The following FBXO36 variants were observed in gnomAD, a reference collection of about 807,000 sequenced individuals.
FBXO36 encodes F-box protein 36.
Under a neutral mutation model 17.0 loss-of-function variants are expected in FBXO36, and 18 were observed. The observed-to-expected ratio is 1.06, with a 90% CI of 0.73 to 1.57. The LOEUF (loss-of-function observed/expected upper bound fraction) is 1.57, where lower values mean the gene tolerates loss of function less well. Ranked by LOEUF, FBXO36 falls within the 40% of genes most tolerant of loss-of-function variation. The probability of loss-of-function intolerance (pLI) is 0.00; values close to 1 mark genes in which losing one functional copy is unlikely to be tolerated. For synonymous variants in FBXO36, 83 were observed against 85.3 expected, an observed-to-expected ratio of 0.97 and a Z score of 0.15; for missense variants, 229 against 221.9, an observed-to-expected ratio of 1.03 and a Z score of -0.20.
chr2:229,973,414 A>G (rs2106192318), intron 1 of FBXO36: 1 of 152,284 alleles, frequency 6.6e-6, no homozygotes, highest in Admixed American at 6.5e-5. Flanking sequence ...GGAGTGTTCC[A>G]TATTTTTAAA....
At chr2:229,985,484 A>C (rs1030534888) in intron 2 of FBXO36, among the ~76,000 whole-genome samples, 1 of 151,928 alleles carries the variant, frequency 6.6e-6, no homozygotes, top group African/African-American at 2.4e-5. Context: ...CACCTCTTAC[A>C]ACACTCCTCC....
intron 1 of FBXO36, 51 bp downstream of exon 1, chr2:229,922,660 G>C: frequency 6.3e-7 from 1 of 1,588,674 alleles, no homozygotes; most frequent in Non-Finnish European, 8.6e-7. Flanking sequence ...ACCTGGCCCG[G>C]TTGGGGCCCG....
At chr2:229,954,749 G>T (rs1437721020) in intron 1 of FBXO36, among the ~76,000 whole-genome samples, 2 of 146,218 alleles carry the variant, frequency 1.4e-5, no homozygotes, top group Non-Finnish European at 3.0e-5. Flanking sequence ...GGGTTTCACC[G>T]TGTTAGCCAG....
At chr2:229,925,610 T>G (rs1397126650) in intron 1 of FBXO36, among the ~76,000 whole-genome samples, 2 of 152,202 alleles carry the variant, frequency 1.3e-5, no homozygotes, top group African/African-American at 2.4e-5. Flanking sequence ...GAATCCTTCT[T>G]TCATGCTGAT....
intron 2 of FBXO36, among the ~76,000 whole-genome samples, chr2:229,981,516 G>A (rs1484491042): frequency 6.6e-6 from 1 of 151,708 alleles, no homozygotes; most frequent in Non-Finnish European, 1.5e-5. Flanking sequence ...GACCAACCTG[G>A]CAAACATGGC....
At chr2:230,001,730 T>G (rs575612899) in intron 3 of FBXO36, among the ~76,000 whole-genome samples, 1 of 152,358 alleles carries the variant, frequency 6.6e-6, no homozygotes, top group African/African-American at 2.4e-5. Flanking sequence ...GCTCCTCTCC[T>G]GCTCAAGATC....
intron 1 of FBXO36, among the ~76,000 whole-genome samples, chr2:229,941,435 A>G (rs370618973): frequency 1.3e-5 from 2 of 152,066 alleles, no homozygotes; most frequent in East Asian, 3.9e-4. Flanking sequence ...AGCCTGGGCA[A>G]CAGAGCGAGA....
chr2:229,984,429 C>T (rs1302245589), intron 2 of FBXO36, among the ~76,000 whole-genome samples: 1 of 141,844 alleles, frequency 7.1e-6, no homozygotes, highest in South Asian at 2.4e-4. Flanking sequence ...CTCGCTCTGT[C>T]GCCCGGGCTG....
intron 1 of FBXO36, among the ~76,000 whole-genome samples, chr2:229,961,955 C>G (rs973380301): frequency 3.3e-5 from 5 of 151,980 alleles, no homozygotes; most frequent in Admixed American, 6.6e-5. Context: ...CAGAGCTGGG[C>G]CAATCACATG....
intron 2 of FBXO36, among the ~76,000 whole-genome samples, chr2:229,978,723 A>C (rs1226155113): frequency 6.6e-6 from 1 of 152,174 alleles, no homozygotes; most frequent in Admixed American, 6.6e-5. Context: ...CATCCTTGTG[A>C]AATAAATATT....
At chr2:229,974,040 AC>A (rs1257473378) in intron 1 of FBXO36, among the ~76,000 whole-genome samples, 1 of 152,140 alleles carries the variant, frequency 6.6e-6, no homozygotes, top group Non-Finnish European at 1.5e-5. Context: ...ACAGAACAAG[AC>A]CCCGTTTCAA....
At chr2:230,003,209 TAAAAAAA>T (rs397872634) in intron 3 of FBXO36, among the ~76,000 whole-genome samples, 5 of 104,604 alleles carry the variant, frequency 4.8e-5, no homozygotes, top group Admixed American at 2.1e-4. Context: ...GACTCCGTCT[TAAAAAAA>T]AAAAAAAAAA....
At chr2:229,962,701 G>A (rs948913900) in intron 1 of FBXO36, among the ~76,000 whole-genome samples, 2 of 150,096 alleles carry the variant, frequency 1.3e-5, no homozygotes, top group Non-Finnish European at 1.5e-5. Flanking sequence ...TTTATGAGAC[G>A]GAGTTTCACT....
chr2:229,995,645 T>C (rs1265804257), intron 2 of FBXO36, among the ~76,000 whole-genome samples: 1 of 143,658 alleles, frequency 7.0e-6, no homozygotes, highest in Non-Finnish European at 1.5e-5. Flanking sequence ...CAGGTTGGAG[T>C]GCAATGGCAT....
intron 1 of FBXO36, among the ~76,000 whole-genome samples, chr2:229,954,542 CTTTTTTTTTTT>C (rs1176794800): frequency 1.3e-5 from 1 of 78,778 alleles, no homozygotes; most frequent in African/African-American, 4.4e-5. Context: ...TGCACCCGGC[CTTTTTTTTTTT>C]TTTTTTTTTT....
At chr2:229,990,309 A>G (rs2077292163) in intron 2 of FBXO36, among the ~76,000 whole-genome samples, 1 of 150,736 alleles carries the variant, frequency 6.6e-6, no homozygotes, top group Non-Finnish European at 1.5e-5. Context: ...TACCTGGCAA[A>G]TATTGAAGAT....
At chr2:229,948,947 C>CCTCCCTAGTAGCTGGGA (rs1313672356) in intron 1 of FBXO36, among the ~76,000 whole-genome samples, 1 of 152,212 alleles carries the variant, frequency 6.6e-6, no homozygotes, top group Non-Finnish European at 1.5e-5. Context: ...GATTATCCTG[C>CCTCCCTAGTAGCTGGGA]CTCAGCCTCC....
rs377513755 is a variant in FBXO36 at position 229,989,503 on chromosome 2, C to T, written c.206-7248C>T. Among the ~76,000 whole-genome samples, 27 of 152,078 alleles carry T rather than the reference C, an allele frequency of 1.8e-4. No individual in the cohort carries two copies. The South Asian group carries it at 1.9e-3, about 11-fold the overall frequency. ...AACTCCCCACCTCAGGTGATCTGCC[C>T]GCCTCAGCCTCCCAAAGTGCTGGGA... On this transcript the variant is annotated intron_variant, in intron 2 of 3. Transcript: ENST00000283946.
At chr2:229,973,982 C>T (rs543358052) in intron 1 of FBXO36, among the ~76,000 whole-genome samples, 2 of 150,656 alleles carry the variant, frequency 1.3e-5, no homozygotes, top group East Asian at 2.0e-4. Context: ...TCCAGGAAGT[C>T]GAGGCTGCAG....
Sources: gnomAD v4.1 joint callset for allele counts (sites outside exome capture counted in the v4.1 genomes callset) on GRCh38, gnomAD v4.1.1 for gene constraint, MANE v1.5 for transcripts, NCBI Gene and HGNC (gene_info 2026-07-23, HGNC 2026-07-21) for gene names.